The following MACROD2 variants were observed in gnomAD, a reference collection of about 807,000 sequenced individuals.
The protein encoded by MACROD2 is mono-ADP ribosylhydrolase 2.
A neutral mutation model predicts 70.4 loss-of-function variants in MACROD2; 36 were observed. The ratio of observed to expected loss-of-function variants is 0.51; its 90% CI spans 0.39 to 0.68. The LOEUF (loss-of-function observed/expected upper bound fraction) is 0.68, where lower values mean the gene tolerates loss of function less well. Ranked by LOEUF, MACROD2 falls within the 30% of genes least tolerant of loss-of-function variation. The pLI is 0.00. For missense variants in MACROD2, 496 were observed against 538.4 expected (o/e 0.92, Z 0.78); for synonymous variants, 172 against 178.8 (o/e 0.96, Z 0.30).
intron 8 of MACROD2, among the ~76,000 whole-genome samples, chr20:15,810,477 A>G (rs185087733): frequency 9.7e-4 from 148 of 152,172 alleles, no homozygotes; most frequent in African/African-American, 3.6e-3. Context: ...TTACAGTCCC[A>G]CCAACAGTGT....
rs76809709 is a variant in MACROD2, at chr20:15,799,060, G to A, written c.646-63685G>A. Among the ~76,000 whole-genome samples the A allele has an allele frequency of 0.027, 4,094 of 152,232 alleles. 306 individuals carry two copies. The East Asian group carries it at 0.28, about 11-fold the overall frequency. On this transcript the variant is annotated intron_variant, in intron 8 of 17. Coordinates refer to ENST00000684519, the MANE Select transcript of MACROD2 (RefSeq NM_001351661.2). ...GTGTGTAAGAGTAATGCCAAGAACT[G>A]CCAAGTTCAAGGCACCAACTCTTCT...
At chr20:14,026,489 C>G (rs1275119931) in intron 2 of MACROD2, among the ~76,000 whole-genome samples, 1 of 152,114 alleles carries the variant, frequency 6.6e-6, no homozygotes, top group Non-Finnish European at 1.5e-5. Context: ...ACCGGTTTTT[C>G]CTTTTCCATA....
chr20:15,874,962 AGG>A (rs1347544083), intron 9 of MACROD2, among the ~76,000 whole-genome samples: 9 of 152,138 alleles, frequency 5.9e-5, no homozygotes, highest in African/African-American at 2.2e-4. Flanking sequence ...AGAAGAGGGA[AGG>A]CAGAAGGAGC....
At chr20:14,047,175 G>A (rs982874535) in intron 2 of MACROD2, among the ~76,000 whole-genome samples, 3 of 152,020 alleles carry the variant, frequency 2.0e-5, no homozygotes, top group Admixed American at 6.6e-5. Flanking sequence ...GGCTGGGCGC[G>A]GTGGCTCATG....
At chr20:14,582,982 T>C (rs1039438399) in intron 4 of MACROD2, among the ~76,000 whole-genome samples, 2 of 152,144 alleles carry the variant, frequency 1.3e-5, no homozygotes, top group African/African-American at 4.8e-5. Context: ...ACTTTGTGGC[T>C]GAGTGCATGT....
Position 14,621,754 on chromosome 20 carries a change from T to C in MACROD2, c.302-63089T>C, listed in dbSNP as rs1042549279. The stretch of plus-strand genomic sequence containing the variant: ...AAACCCCAATCCAAATTAATTTTTA[T>C]TTGTTTTGTAGATTCTCCGTTGGGA... On this transcript the variant is annotated intron_variant, in intron 4 of 17. Coordinates refer to ENST00000684519, the MANE Select transcript of MACROD2 (RefSeq NM_001351661.2). 2.0e-5 allele frequency: 3 copies of C among 152,180 alleles called. No homozygotes were observed. In the South Asian group the frequency reaches 6.2e-4, roughly 31 times the overall value. 9.4% of individuals were successfully genotyped at this position (152,180 alleles called of 1,614,324 possible).
chr20:15,916,144 A>G (rs2065311347), intron 10 of MACROD2, among the ~76,000 whole-genome samples: 1 of 152,140 alleles, frequency 6.6e-6, no homozygotes, highest in African/African-American at 2.4e-5. Flanking sequence ...GCTTAGCTGG[A>G]AGTCCTCATA....
intron 3 of MACROD2, among the ~76,000 whole-genome samples, chr20:14,309,925 A>G (rs2082551806): frequency 6.6e-6 from 1 of 152,160 alleles, no homozygotes; most frequent in Non-Finnish European, 1.5e-5. Flanking sequence ...TATTTCCTAC[A>G]CAATTGTTTT....
intron 4 of MACROD2, among the ~76,000 whole-genome samples, chr20:14,543,083 C>T (rs2085452637): frequency 6.6e-6 from 1 of 151,984 alleles, no homozygotes; most frequent in South Asian, 2.1e-4. Context: ...ACCTTATTTT[C>T]TTCCTCTGTC....
intron 8 of MACROD2, among the ~76,000 whole-genome samples, chr20:15,644,948 CAA>C (rs2049518396): frequency 6.6e-6 from 1 of 152,156 alleles, no homozygotes; most frequent in Non-Finnish European, 1.5e-5. Context: ...CTCAGCCTCC[CAA>C]AGTGTTGGGA....
intron 5 of MACROD2, among the ~76,000 whole-genome samples, chr20:14,867,108 T>TTGA (rs369174264): frequency 1.1e-3 from 162 of 152,244 alleles, no homozygotes; most frequent in African/African-American, 3.6e-3. Flanking sequence ...GTGGCCCTAC[T>TTGA]TGATGCTTTT....
At chr20:15,283,577 C>G (rs1460628099) in intron 6 of MACROD2, among the ~76,000 whole-genome samples, 1 of 152,026 alleles carries the variant, frequency 6.6e-6, no homozygotes, top group Non-Finnish European at 1.5e-5. Flanking sequence ...GAGGCTGAGG[C>G]AGGGGAATTG....
intron 8 of MACROD2, among the ~76,000 whole-genome samples, chr20:15,774,371 C>A (rs1404427306): frequency 6.6e-6 from 1 of 152,176 alleles, no homozygotes; most frequent in Non-Finnish European, 1.5e-5. Flanking sequence ...CTCTCAGTGA[C>A]TCTTATTTAG....
chr20:15,905,828 T>C (rs1658402472), intron 10 of MACROD2, among the ~76,000 whole-genome samples: 1 of 152,244 alleles, frequency 6.6e-6, no homozygotes, highest in South Asian at 2.1e-4. Flanking sequence ...ACTCTCCTAA[T>C]GCCTTGCTCA....
intron 15 of MACROD2, among the ~76,000 whole-genome samples, chr20:16,002,506 C>T (rs768379446): frequency 1.4e-4 from 21 of 152,012 alleles, no homozygotes; most frequent in Non-Finnish European, 2.5e-4. Flanking sequence ...GAAGGAGATG[C>T]GTTGGTAGAG....
chr20:15,200,032 G>A (rs928115386), intron 5 of MACROD2, among the ~76,000 whole-genome samples: 2 of 151,444 alleles, frequency 1.3e-5, no homozygotes, highest in Non-Finnish European at 2.9e-5. Context: ...ACATTTATTA[G>A]AGTAAATAAC....
At chr20:13,999,574 G>T (rs771732234) in intron 1 of MACROD2, among the ~76,000 whole-genome samples, 1 of 152,094 alleles carries the variant, frequency 6.6e-6, no homozygotes, top group Admixed American at 6.5e-5. Context: ...CAGTTGCCTG[G>T]GTTTGAGTCC....
At chr20:14,979,655 C>G (rs1307652906) in intron 5 of MACROD2, among the ~76,000 whole-genome samples, 1 of 152,178 alleles carries the variant, frequency 6.6e-6, no homozygotes, top group East Asian at 1.9e-4. Context: ...TGTTTGATCA[C>G]AAGTTTTTTT....
At chr20:15,580,475 C>T (rs1258790782) in intron 8 of MACROD2, among the ~76,000 whole-genome samples, 1 of 152,186 alleles carries the variant, frequency 6.6e-6, no homozygotes, top group Admixed American at 6.5e-5. Flanking sequence ...TGTTAATGGT[C>T]TCCACTTGCT....
Sources: allele counts gnomAD v4.1 joint callset (sites outside exome capture counted in the v4.1 genomes callset), GRCh38; gene constraint gnomAD v4.1.1; transcripts MANE v1.5; gene names NCBI Gene and HGNC (gene_info 2026-07-23, HGNC 2026-07-21).